The following ZNF584 variants were observed in gnomAD, a reference collection of about 807,000 sequenced individuals.
ZNF584 encodes the protein zinc finger protein 584.
A neutral mutation model predicts 14.7 loss-of-function variants in ZNF584; 12 were observed. The ratio of observed to expected loss-of-function variants is 0.82; its 90% CI spans 0.52 to 1.32. The LOEUF is 1.32. Ranked by LOEUF, ZNF584 falls within the 40% of genes most tolerant of loss-of-function variation. The probability of loss-of-function intolerance (pLI) is 0.00; values close to 1 mark genes in which losing one functional copy is unlikely to be tolerated. For synonymous variants in ZNF584, 204 were observed against 190.9 expected (o/e 1.07, Z -0.57); for missense variants, 478 against 518.8 (o/e 0.92, Z 0.76).
chr19:58,404,872 C>G (rs541142172), upstream of ZNF584: 3 of 155,372 alleles, frequency 1.9e-5, no homozygotes, highest in Admixed American at 1.3e-4. Context: ...GCTGACCCCC[C>G]CCCCCACCTC....
At chr19:58,403,958 C>CAAAAA (rs35295910), upstream of ZNF584, among the ~76,000 whole-genome samples, 2 of 80,060 alleles carry the variant, frequency 2.5e-5, no homozygotes, top group African/African-American at 4.2e-5. Context: ...AACTCCGTCT[C>CAAAAA]AAAAAAAAAA....
upstream of ZNF584, chr19:58,406,328 G>A (rs1281582289): frequency 7.0e-5 from 9 of 128,836 alleles, no homozygotes; most frequent in Non-Finnish European, 1.5e-4. Flanking sequence ...GCATCAGAGG[G>A]AGACCGTGGA....
chr19:58,413,815 TC>T (rs1164171155), intron 2 of ZNF584, among the ~76,000 whole-genome samples: 1 of 151,182 alleles, frequency 6.6e-6, no homozygotes, highest in Non-Finnish European at 1.5e-5. Flanking sequence ...ATTTTTCTTT[TC>T]TTTTCTTTTT....
chr19:58,417,669 G>A lies in ZNF584; in HGVS notation c.1151G>A (p.Cys384Tyr), dbSNP rs752360222. 3 of 1,614,040 alleles carry A rather than the reference G, an allele frequency of 1.9e-6. No homozygotes were observed. Among genetic ancestry groups the A allele is most frequent in the Non-Finnish European group, 1.7e-6 (2 of 1,179,914 alleles). Reference sequence around the variant, plus strand: ...CACACTGAAGAGAGGTCTTATGAATGTACAGAGTGTGGGAAGGCCTTCAAA... The same window carrying A: ...CACACTGAAGAGAGGTCTTATGAATATACAGAGTGTGGGAAGGCCTTCAAA... Reference protein sequence around the residue: ...QFHTEERSYECTECGKAFKHS... With the variant: ...QFHTEERSYEYTECGKAFKHS... Residue 384 changes from cysteine to tyrosine, a missense_variant, in exon 4 of 4, where the codon TGT (cysteine) becomes TAT (tyrosine). Cys to Tyr is a radical substitution (Grantham distance 194). Coordinates refer to ENST00000306910, the MANE Select transcript of ZNF584 (RefSeq NM_173548.3).
chr19:58,413,644 C>T (rs974124427), intron 2 of ZNF584, among the ~76,000 whole-genome samples: 6 of 148,930 alleles, frequency 4.0e-5, no homozygotes, highest in African/African-American at 1.5e-4. Context: ...GTGGCATGGT[C>T]CACCACACCT....
chr19:58,401,763 C>G (rs1288062166), intron 1 of ZNF584: 2 of 150,688 alleles, frequency 1.3e-5, no homozygotes, highest in African/African-American at 2.4e-5. Flanking sequence ...GTCCCCGGCC[C>G]CGCGGGCTTA....
chr19:58,416,588 G>C, intron 3 of ZNF584: 1 of 413,440 alleles, frequency 2.4e-6, no homozygotes, highest in South Asian at 6.9e-5. Flanking sequence ...TTTTAGAAGA[G>C]ATGGGGTTTC....
chr19:58,412,199 C>CTTTTTTTT (rs35188048), intron 2 of ZNF584, among the ~76,000 whole-genome samples: 13 of 83,926 alleles, frequency 1.5e-4, no homozygotes, highest in African/African-American at 7.1e-4. Context: ...CCAGGGTGGT[C>CTTTTTTTT]TTTTTTTTTT....
intron 3 of ZNF584, chr19:58,416,015 C>G (rs773238379): frequency 1.4e-5 from 21 of 1,530,594 alleles, no homozygotes; most frequent in South Asian, 3.7e-5. Context: ...TTTGCTGGGA[C>G]TAGACACATG....
In ZNF584 at chr19:58,409,027, A is replaced by G; in HGVS notation, c.-121A>G. The G allele has an allele frequency of 7.6e-7, 1 of 1,311,404 alleles. No individual in the cohort carries two copies. Among genetic ancestry groups the G allele is most frequent in the Non-Finnish European group, 1.0e-6 (1 of 986,600 alleles). The allele number at this position is 1,311,404 out of a possible 1,614,324, so 81.2% of individuals were successfully genotyped here. ...GAAGCGGTTCCCTGTCTTCGGACGCATTTCACCCGCGCGGGGAGAGCTTCC... is the reference window on the plus strand; with the variant it reads ...GAAGCGGTTCCCTGTCTTCGGACGCGTTTCACCCGCGCGGGGAGAGCTTCC... On this transcript the variant is annotated 5_prime_UTR_variant, in exon 1 of 4. Coordinates refer to ENST00000306910, the MANE Select transcript of ZNF584 (RefSeq NM_173548.3).
intron 1 of ZNF584, among the ~76,000 whole-genome samples, chr19:58,409,477 G>T (rs1029070866): frequency 6.6e-6 from 1 of 152,228 alleles, no homozygotes; most frequent in African/African-American, 2.4e-5. Flanking sequence ...TAGGCATTCT[G>T]TTGTCCAGTT....
chr19:58,402,176 G>A (rs2052435911), intron 1 of ZNF584, among the ~76,000 whole-genome samples: 1 of 152,188 alleles, frequency 6.6e-6, no homozygotes. Flanking sequence ...CCTGGTTAGT[G>A]CTGAGGTCCT....
chr19:58,405,467 G>C (rs549374168), upstream of ZNF584: 852 of 159,378 alleles, frequency 5.3e-3, 13 homozygotes, highest in African/African-American at 0.02. Flanking sequence ...CTCCCTCCCG[G>C]ACGAGGTGGC....
intron 3 of ZNF584, chr19:58,416,100 C>G (rs976368306): frequency 1.4e-6 from 1 of 738,500 alleles, no homozygotes; most frequent in Non-Finnish European, 2.2e-6. Context: ...GACTTGGAGA[C>G]CCCACCTCTC....
upstream of ZNF584, among the ~76,000 whole-genome samples, chr19:58,403,896 G>T (rs2052446480): frequency 6.6e-6 from 1 of 151,228 alleles, no homozygotes; most frequent in Non-Finnish European, 1.5e-5. Context: ...AACCCGGGAG[G>T]CGGAGGTTAC....
intron 2 of ZNF584, among the ~76,000 whole-genome samples, chr19:58,410,569 A>ATGTATGTATATG (rs1568584494): frequency 1.4e-4 from 1 of 6,922 alleles, no homozygotes; most frequent in African/African-American, 7.1e-4. Context: ...GTGTATATAT[A>ATGTATGTATATG]TATGTATATA....
chr19:58,408,428 A>G (rs1477986299), upstream of ZNF584: 1 of 151,106 alleles, frequency 6.6e-6, no homozygotes, highest in South Asian at 2.1e-4. Flanking sequence ...ACCAGCGGAG[A>G]CTCCTCCACA....
upstream of ZNF584, chr19:58,405,656 C>T: frequency 5.6e-6 from 1 of 178,470 alleles, no homozygotes; most frequent in Non-Finnish European, 1.2e-5. Context: ...AGAGGGTCTC[C>T]TCACTTCTCA....
At chr19:58,416,035 A>G in intron 3 of ZNF584, 1 of 1,460,836 alleles carries the variant, frequency 6.8e-7, no homozygotes. Flanking sequence ...GCCTCCTCAT[A>G]GTGCTTGGCT....
Sources: gnomAD v4.1 joint callset for allele counts (sites outside exome capture counted in the v4.1 genomes callset) on GRCh38, gnomAD v4.1.1 for gene constraint, MANE v1.5 for transcripts, NCBI Gene and HGNC (gene_info 2026-07-23, HGNC 2026-07-21) for gene names.